Variants in PRELID2 observed in about 807,000 individuals in gnomAD.
The protein encoded by PRELID2 is PRELI domain-containing protein 2.
Under a neutral mutation model 28.4 loss-of-function variants are expected in PRELID2, and 25 were observed. The ratio of observed to expected loss-of-function variants is 0.88; its 90% CI spans 0.64 to 1.23. The LOEUF is 1.23. PRELID2 is among the 50% of genes most tolerant of loss of function. PRELID2 has a pLI of 0.00. For missense variants in PRELID2, 201 were observed against 214.4 expected (o/e 0.94, Z 0.39); for synonymous variants, 76 against 71.6 (o/e 1.06, Z -0.31).
chr5:145,315,278 C>T, the PRELID2 span, among the ~76,000 whole-genome samples: 1 of 151,928 alleles, frequency 6.6e-6, no homozygotes, highest in East Asian at 1.9e-4. Context: ...CCATTTTGGC[C>T]AGGATGGTTT....
chr5:145,643,392 T>G (rs547372486), intron 1 of PRELID2, among the ~76,000 whole-genome samples: 1 of 152,364 alleles, frequency 6.6e-6, no homozygotes, highest in East Asian at 1.9e-4. Context: ...AATTTGCTTA[T>G]CAGCTTAAGG....
chr5:145,755,873 G>C (rs1297860641), downstream of PRELID2, among the ~76,000 whole-genome samples: 1 of 152,130 alleles, frequency 6.6e-6, no homozygotes, highest in Admixed American at 6.6e-5. Flanking sequence ...CATTAACAGG[G>C]TGTGGACAAG....
At chr5:145,516,391 C>T (rs1044318120) in intron 1 of PRELID2, among the ~76,000 whole-genome samples, 2 of 152,100 alleles carry the variant, frequency 1.3e-5, no homozygotes, top group Non-Finnish European at 2.9e-5. Context: ...TTCACAATTA[C>T]TACAAAGGGA....
intron 1 of PRELID2, among the ~76,000 whole-genome samples, chr5:145,686,111 G>A (rs984121611): frequency 2.0e-5 from 3 of 152,080 alleles, no homozygotes; most frequent in African/African-American, 7.2e-5. Flanking sequence ...TGTTACAGAG[G>A]AAATTACACA....
chr5:145,712,947 G>A (rs1391886598), intron 1 of PRELID2, among the ~76,000 whole-genome samples: 1 of 151,942 alleles, frequency 6.6e-6, no homozygotes, highest in Non-Finnish European at 1.5e-5. Flanking sequence ...GATAAAAGCA[G>A]AGGAAAGGGT....
the PRELID2 span, among the ~76,000 whole-genome samples, chr5:145,391,708 C>A: frequency 6.8e-6 from 1 of 147,008 alleles, no homozygotes; most frequent in Admixed American, 6.8e-5. Flanking sequence ...TCTATTGCAT[C>A]ATCAGGCTGC....
At chr5:145,819,240 CTT>C (rs1330152784) in intron 3 of PRELID2, 20 of 666,040 alleles carry the variant, frequency 3.0e-5, no homozygotes, top group Middle Eastern at 4.8e-4. Flanking sequence ...CAGAATCTCT[CTT>C]GGGTTGAAAC....
intron 1 of PRELID2, among the ~76,000 whole-genome samples, chr5:145,530,859 A>G (rs1422652): frequency 0.64 from 96,978 of 151,804 alleles, 31,783 homozygotes; most frequent in East Asian, 1. Context: ...AACTAGAACC[A>G]TGCCATGTAA....
chr5:145,446,015 G>A, the PRELID2 span, among the ~76,000 whole-genome samples: 20 of 152,040 alleles, frequency 1.3e-4, no homozygotes, highest in African/African-American at 4.1e-4. Context: ...TTTGTTAAAC[G>A]ATACAAAATT....
rs1490609830 is a variant in PRELID2, at chr5:145,812,844, T to G, written c.368+5050A>C. 2.0e-5 allele frequency among the ~76,000 whole-genome samples: 3 copies of G among 152,262 alleles called. No individual in the cohort carries two copies. The East Asian group carries it at 5.8e-4, about 29-fold the overall frequency. On this transcript the variant is annotated intron_variant, in intron 4 of 6. Transcript: ENST00000683046. ...ATAGAAATTCCATTCCATAAAAAAC[T>G]ACAGGAAGACAATGTCGGATAAAAT...
intron 1 of PRELID2, among the ~76,000 whole-genome samples, chr5:145,674,452 A>C (rs1754773927): frequency 6.6e-6 from 1 of 152,200 alleles, no homozygotes; most frequent in African/African-American, 2.4e-5. Flanking sequence ...CACATATGAA[A>C]ATTTAGCATT....
At chr5:145,679,128 A>G (rs1251293863) in intron 1 of PRELID2, among the ~76,000 whole-genome samples, 1 of 152,148 alleles carries the variant, frequency 6.6e-6, no homozygotes, top group East Asian at 1.9e-4. Flanking sequence ...CTTATCACTA[A>G]TAAACTCTTC....
chr5:145,293,440 A>G, the PRELID2 span, among the ~76,000 whole-genome samples: 1 of 152,200 alleles, frequency 6.6e-6, no homozygotes, highest in Non-Finnish European at 1.5e-5. Flanking sequence ...GATAGTAGCT[A>G]CATATGCTGT....
Position 145,514,768 on chromosome 5 carries a change from T to C in PRELID2, n.71-41453A>G, listed in dbSNP as rs533844130. ...TGGAAGTAAAACACTCCTTAGCAAA[T>C]GCAAAAAAAAAGAAAGAAAAGGAAA... On this transcript the variant is annotated intron_variant and non_coding_transcript_variant, in intron 1 of 2. Coordinates refer to the PRELID2 transcript ENST00000510259. Among the ~76,000 whole-genome samples, 4 of 150,734 alleles carry C rather than the reference T, an allele frequency of 2.7e-5. No individual in the cohort carries two copies. The South Asian group carries it at 8.4e-4, about 31-fold the overall frequency.
chr5:145,329,212 T>C, the PRELID2 span, among the ~76,000 whole-genome samples: 1 of 152,210 alleles, frequency 6.6e-6, no homozygotes, highest in Non-Finnish European at 1.5e-5. Flanking sequence ...GGTAGCGCGA[T>C]GCCTCCAGCT....
intron 4 of PRELID2, among the ~76,000 whole-genome samples, chr5:145,801,076 T>C (rs941302910): frequency 2.0e-5 from 3 of 152,244 alleles, no homozygotes; most frequent in Admixed American, 1.3e-4. Flanking sequence ...GAATTATATA[T>C]GTTATTTACT....
At chr5:145,372,445 G>T in the PRELID2 span, among the ~76,000 whole-genome samples, 1 of 151,942 alleles carries the variant, frequency 6.6e-6, no homozygotes, top group African/African-American at 2.4e-5. Context: ...TGACAGTGGG[G>T]TGTTAAAATC....
chr5:145,685,942 C>T (rs61318444), intron 1 of PRELID2, among the ~76,000 whole-genome samples: 1 of 152,202 alleles, frequency 6.6e-6, no homozygotes, highest in African/African-American at 2.4e-5. Flanking sequence ...TGCTTGACTT[C>T]TCTGTTCACC....
intron 5 of PRELID2, among the ~76,000 whole-genome samples, chr5:145,771,335 GA>G (rs1274886681): frequency 6.6e-6 from 1 of 151,974 alleles, no homozygotes; most frequent in Admixed American, 6.6e-5. Flanking sequence ...TGCACTCTAT[GA>G]GGTTTGTACA....
Sources: gnomAD v4.1 joint callset for allele counts (sites outside exome capture counted in the v4.1 genomes callset) on GRCh38, gnomAD v4.1.1 for gene constraint, MANE v1.5 for transcripts, NCBI Gene and HGNC (gene_info 2026-07-23, HGNC 2026-07-21) for gene names.